PIP5K1B: variants seen among roughly 807,000 people sequenced by gnomAD.
PIP5K1B encodes phosphatidylinositol-4-phosphate 5-kinase type 1 beta, also known as phosphatidylinositol 4-phosphate 5-kinase type-1 beta.
In PIP5K1B, 42 loss-of-function variants were observed where a neutral mutation model predicts 67.0. The observed-to-expected ratio is 0.63, with a 90% confidence interval of 0.49 to 0.81. The LOEUF is 0.81. PIP5K1B is among the 30% of genes least tolerant of loss of function. PIP5K1B has a pLI of 0.00. For missense variants in PIP5K1B, 459 were observed against 646.3 expected (o/e 0.71, Z 3.14); for synonymous variants, 214 against 231.4 (o/e 0.92, Z 0.68).
chr9:68,826,994 G>C (rs964293341), intron 4 of PIP5K1B, among the ~76,000 whole-genome samples: 15 of 152,224 alleles, frequency 9.9e-5, no homozygotes, highest in African/African-American at 3.6e-4. Flanking sequence ...TCAGGCAATC[G>C]ACCCACCTCG....
intron 2 of PIP5K1B, among the ~76,000 whole-genome samples, chr9:68,796,045 C>T (rs1470180263): frequency 6.6e-6 from 1 of 152,192 alleles, no homozygotes; most frequent in Non-Finnish European, 1.5e-5. Flanking sequence ...TAGTACACTT[C>T]ACTGAGATGC....
chr9:68,749,231 T>C lies in PIP5K1B; in HGVS notation c.-86+6574T>C, dbSNP rs573349614. Among the ~76,000 whole-genome samples the C allele has an allele frequency of 1.6e-4, 25 of 152,320 alleles. 1 individual carries two copies. The highest frequency in any genetic ancestry group is 1.3e-3 in the Admixed American group (20 of 15,294). The stretch of plus-strand genomic sequence containing the variant: ...TCATTCAGGTGGGCCCTAAATATTT[T>C]ACAAGCATCCTAATGAGAAAGAGGC... On this transcript the variant is annotated intron_variant, in intron 2 of 15. Transcript: ENST00000265382.
At chr9:68,870,090 G>T (rs998326007) in intron 5 of PIP5K1B, among the ~76,000 whole-genome samples, 4 of 152,180 alleles carry the variant, frequency 2.6e-5, no homozygotes, top group African/African-American at 9.6e-5. Context: ...TCTTCCTTTA[G>T]CTCAAAGGAT....
At chr9:68,987,917 AT>A (rs1251768734) in intron 14 of PIP5K1B, among the ~76,000 whole-genome samples, 2 of 152,232 alleles carry the variant, frequency 1.3e-5, no homozygotes, top group Non-Finnish European at 2.9e-5. Context: ...GAATTATGAG[AT>A]TACAATTCAA....
chr9:68,940,891 A>T, intron 14 of PIP5K1B, 101 bp downstream of exon 14: 1 of 1,084,032 alleles, frequency 9.2e-7, no homozygotes, highest in South Asian at 1.3e-5. Flanking sequence ...AACAACCAGG[A>T]TGTGCCTGTC....
intron 8 of PIP5K1B, among the ~76,000 whole-genome samples, chr9:68,909,799 T>G (rs985128953): frequency 6.6e-6 from 1 of 152,234 alleles, no homozygotes; most frequent in Non-Finnish European, 1.5e-5. Context: ...AATGCCTTTC[T>G]TTCTGCAATG....
intron 1 of PIP5K1B, among the ~76,000 whole-genome samples, chr9:68,721,847 A>C (rs2044750928): frequency 6.6e-6 from 1 of 152,176 alleles, no homozygotes; most frequent in African/African-American, 2.4e-5. Flanking sequence ...AGAAGACAGA[A>C]GATCACTTGT....
At chr9:68,893,310 G>A (rs1208285249) in intron 7 of PIP5K1B, among the ~76,000 whole-genome samples, 3 of 150,084 alleles carry the variant, frequency 2.0e-5, no homozygotes, top group Admixed American at 6.7e-5. Context: ...AACAAAAGTA[G>A]GCATGTATTC....
chr9:68,900,402 GTA>G (rs1369648296), intron 8 of PIP5K1B, among the ~76,000 whole-genome samples: 1 of 152,156 alleles, frequency 6.6e-6, no homozygotes, highest in Admixed American at 6.5e-5. Flanking sequence ...AATTGAAAAT[GTA>G]TATATTAATT....
intron 14 of PIP5K1B, among the ~76,000 whole-genome samples, chr9:68,960,850 C>T (rs930128333): frequency 3.3e-5 from 5 of 152,132 alleles, no homozygotes; most frequent in East Asian, 1.9e-4. Context: ...TCGATATTTT[C>T]GATCTCTTTT....
intron 14 of PIP5K1B, among the ~76,000 whole-genome samples, chr9:68,961,195 C>A (rs930113216): frequency 7.1e-6 from 1 of 140,674 alleles, no homozygotes; most frequent in African/African-American, 2.7e-5. Context: ...CCGGCCTGGG[C>A]GACAGAGCGA....
At chr9:68,921,743 C>T (rs997984898) in intron 11 of PIP5K1B, among the ~76,000 whole-genome samples, 1 of 151,562 alleles carries the variant, frequency 6.6e-6, no homozygotes, top group Non-Finnish European at 1.5e-5. Flanking sequence ...CCCAGCTATT[C>T]GGGAGGCTGA....
At chr9:68,788,446 AT>A in intron 2 of PIP5K1B, 1 of 458,940 alleles carries the variant, frequency 2.2e-6, no homozygotes, top group Non-Finnish European at 4.0e-6. Context: ...AGTTAATTTT[AT>A]CATATTAGAG....
At chr9:69,000,542 T>C (rs747581263) in intron 15 of PIP5K1B, among the ~76,000 whole-genome samples, 7 of 152,182 alleles carry the variant, frequency 4.6e-5, no homozygotes, top group Non-Finnish European at 7.3e-5. Context: ...CTGAGGGCTG[T>C]GAGGCAAGGA....
At chr9:68,749,438 C>G (rs965662692) in intron 2 of PIP5K1B, among the ~76,000 whole-genome samples, 1 of 152,206 alleles carries the variant, frequency 6.6e-6, no homozygotes, top group Non-Finnish European at 1.5e-5. Flanking sequence ...ACCTCAGTTT[C>G]AGCCCAGTGA....
At chr9:68,804,102 T>G (rs1328877011) in intron 2 of PIP5K1B, among the ~76,000 whole-genome samples, 2 of 151,530 alleles carry the variant, frequency 1.3e-5, no homozygotes, top group African/African-American at 4.9e-5. Context: ...TTTTGAGGAG[T>G]TGACTTTGAG....
chr9:68,779,862 C>T (rs559055372), intron 2 of PIP5K1B, among the ~76,000 whole-genome samples: 1 of 152,384 alleles, frequency 6.6e-6, no homozygotes, highest in East Asian at 1.9e-4. Flanking sequence ...CAGAATATGA[C>T]AATCTTATTG....
chr9:68,919,736 G>T lies in PIP5K1B; in HGVS notation c.1116+7G>T. ...AGCTCTTGTTTATGATGGGGTAAGT[G>T]ACTTATTTTCCTTATTATACTGTAT... On this transcript the variant is annotated splice_region_variant and intron_variant, in intron 11 of 15. Transcript: ENST00000265382. 6.6e-7 allele frequency: 1 copy of T among 1,509,386 alleles called. No homozygotes were observed. The highest frequency in any genetic ancestry group is 1.1e-5 in the South Asian group (1 of 88,042). 93.5% of individuals were successfully genotyped at this position (1,509,386 alleles called of 1,614,324 possible).
At chr9:68,836,186 A>G (rs1834597666) in intron 4 of PIP5K1B, among the ~76,000 whole-genome samples, 1 of 152,318 alleles carries the variant, frequency 6.6e-6, no homozygotes, top group East Asian at 1.9e-4. Flanking sequence ...AAGCTGCACA[A>G]TCAGCATAGT....
Sources: allele counts gnomAD v4.1 joint callset (sites outside exome capture counted in the v4.1 genomes callset), GRCh38; gene constraint gnomAD v4.1.1; transcripts MANE v1.5; gene names NCBI Gene and HGNC (gene_info 2026-07-23, HGNC 2026-07-21).